RCAN2: variants seen among roughly 807,000 people sequenced by gnomAD.
RCAN2 encodes calcipressin-2.
RCAN2 carries 9 observed loss-of-function variants against 23.6 expected under a neutral mutation model. The observed-to-expected ratio is 0.38, with a 90% CI of 0.23 to 0.67. The LOEUF is 0.67. RCAN2 is among the 30% of genes least tolerant of loss of function. The probability of loss-of-function intolerance (pLI) is 0.51; values close to 1 mark genes in which losing one functional copy is unlikely to be tolerated. For synonymous variants in RCAN2, 109 were observed against 115.7 expected (o/e 0.94, Z 0.37); for missense variants, 273 against 302.3 (o/e 0.90, Z 0.72).
chr6:46,447,376 A>G (rs768380648), intron 2 of RCAN2, among the ~76,000 whole-genome samples: 1 of 151,942 alleles, frequency 6.6e-6, no homozygotes, highest in African/African-American at 2.4e-5. Flanking sequence ...ATAGAGAGAG[A>G]GACTGTAACA....
chr6:46,415,599 T>C (rs536853673), intron 2 of RCAN2, among the ~76,000 whole-genome samples: 3 of 152,102 alleles, frequency 2.0e-5, no homozygotes, highest in Non-Finnish European at 4.4e-5. Flanking sequence ...ATGTTGATAT[T>C]TGAGGGCTGG....
At chr6:46,354,895 A>G (rs1434321463) in intron 2 of RCAN2, among the ~76,000 whole-genome samples, 2 of 136,218 alleles carry the variant, frequency 1.5e-5, no homozygotes, top group Admixed American at 7.9e-5. Flanking sequence ...AAAAGATTAT[A>G]TATGTGTGTG....
chr6:46,398,596 C>T (rs2150401704), intron 2 of RCAN2, among the ~76,000 whole-genome samples: 1 of 152,276 alleles, frequency 6.6e-6, no homozygotes, highest in South Asian at 2.1e-4. Context: ...ACAAGCCCCA[C>T]TGTCCTAATT....
chr6:46,350,936 C>CT (rs1247288079), intron 2 of RCAN2, among the ~76,000 whole-genome samples: 1 of 152,158 alleles, frequency 6.6e-6, no homozygotes, highest in Non-Finnish European at 1.5e-5. Context: ...AGAGTGCTGA[C>CT]TAACTTGACC....
chr6:46,339,314 T>C (rs1345059), intron 2 of RCAN2, among the ~76,000 whole-genome samples: 64,052 of 151,800 alleles, frequency 0.42, 14,952 homozygotes, highest in East Asian at 0.6. Flanking sequence ...ATAGGAGAAG[T>C]ATTTAAGTTT....
At chr6:46,387,410 AAAAC>A (rs1389849132) in intron 2 of RCAN2, among the ~76,000 whole-genome samples, 1 of 152,220 alleles carries the variant, frequency 6.6e-6, no homozygotes, top group African/African-American at 2.4e-5. Flanking sequence ...GTACAAGAAA[AAAAC>A]AAACAACCCC....
At chr6:46,473,957 G>A (rs932752443) in intron 1 of RCAN2, among the ~76,000 whole-genome samples, 4 of 152,274 alleles carry the variant, frequency 2.6e-5, no homozygotes, top group African/African-American at 9.6e-5. Context: ...AAACTATCCT[G>A]ATTCCTCTTA....
intron 2 of RCAN2, among the ~76,000 whole-genome samples, chr6:46,256,080 G>A (rs1263932434): frequency 1.3e-5 from 2 of 152,136 alleles, no homozygotes; most frequent in Admixed American, 1.3e-4. Context: ...GTTAGAATAG[G>A]GGTTGGAGGC....
At chr6:46,425,782 G>A (rs1272720556) in intron 2 of RCAN2, among the ~76,000 whole-genome samples, 1 of 151,288 alleles carries the variant, frequency 6.6e-6, no homozygotes, top group Admixed American at 6.6e-5. Context: ...ATCCTTATGA[G>A]ATAAAATTAA....
intron 2 of RCAN2, among the ~76,000 whole-genome samples, chr6:46,389,704 T>C (rs984048991): frequency 2.6e-5 from 4 of 152,092 alleles, no homozygotes; most frequent in Non-Finnish European, 4.4e-5. Context: ...AGAGGCCTTA[T>C]AGCCCGCTTG....
intron 2 of RCAN2, among the ~76,000 whole-genome samples, chr6:46,426,596 G>T (rs1227449769): frequency 1.3e-5 from 2 of 152,144 alleles, no homozygotes; most frequent in Non-Finnish European, 2.9e-5. Flanking sequence ...ACAGGTAAAT[G>T]AATGAGCCCT....
intron 2 of RCAN2, among the ~76,000 whole-genome samples, chr6:46,260,182 G>C (rs1767063978): frequency 6.6e-6 from 1 of 152,148 alleles, no homozygotes; most frequent in African/African-American, 2.4e-5. Flanking sequence ...AGGGCCCCTA[G>C]TGTTCTCATT....
chr6:46,452,598 A>C (rs574544171), intron 2 of RCAN2, among the ~76,000 whole-genome samples: 1 of 152,314 alleles, frequency 6.6e-6, no homozygotes, highest in East Asian at 1.9e-4. Flanking sequence ...TTCTGCTTAC[A>C]CATTGGGTAG....
chr6:46,365,626 G>A (rs1765151515), intron 2 of RCAN2, among the ~76,000 whole-genome samples: 1 of 152,080 alleles, frequency 6.6e-6, no homozygotes, highest in Non-Finnish European at 1.5e-5. Context: ...TCCTTCAACA[G>A]GAAATTGTCA....
At chr6:46,391,030 C>T (rs1392691863) in intron 2 of RCAN2, among the ~76,000 whole-genome samples, 1 of 152,156 alleles carries the variant, frequency 6.6e-6, no homozygotes, top group Non-Finnish European at 1.5e-5. Context: ...CCCACAGTTC[C>T]TGTGTCAGAG....
intron 2 of RCAN2, among the ~76,000 whole-genome samples, chr6:46,336,485 G>C (rs1015644024): frequency 6.6e-6 from 1 of 152,230 alleles, no homozygotes; most frequent in Non-Finnish European, 1.5e-5. Context: ...TGATGTGGAT[G>C]CTGGATAGAG....
chr6:46,297,852 T>A (rs1762770148), intron 2 of RCAN2, among the ~76,000 whole-genome samples: 1 of 152,110 alleles, frequency 6.6e-6, no homozygotes, highest in African/African-American at 2.4e-5. Context: ...TTGAATATAA[T>A]TCTTTAAGGC....
chr6:46,288,867 A>G (rs1762452852), intron 2 of RCAN2, among the ~76,000 whole-genome samples: 1 of 152,258 alleles, frequency 6.6e-6, no homozygotes. Context: ...CTATATCCAC[A>G]GTGCCTAGTA....
chr6:46,447,443 C>T (rs150586543), intron 2 of RCAN2, among the ~76,000 whole-genome samples: 1 of 151,904 alleles, frequency 6.6e-6, no homozygotes, highest in Non-Finnish European at 1.5e-5. Context: ...ATAATCCAGA[C>T]AGAATATCAA....
Sources: allele counts gnomAD v4.1 joint callset (sites outside exome capture counted in the v4.1 genomes callset), GRCh38; gene constraint gnomAD v4.1.1; transcripts MANE v1.5; gene names NCBI Gene and HGNC (gene_info 2026-07-23, HGNC 2026-07-21).